Variants in MAML3 observed in about 807,000 individuals in gnomAD.
MAML3 encodes the protein mastermind-like protein 3.
Under a neutral mutation model 101.9 loss-of-function variants are expected in MAML3, and 27 were observed. The ratio of observed to expected loss-of-function variants is 0.27; its 90% CI spans 0.20 to 0.37. The LOEUF is 0.37. MAML3 is among the 10% of genes least tolerant of loss of function. The probability of loss-of-function intolerance (pLI) is 1.00; values close to 1 mark genes in which losing one functional copy is unlikely to be tolerated. For missense variants in MAML3, 1,316 were observed against 1,444.9 expected, an observed-to-expected ratio of 0.91 and a Z score of 1.45; for synonymous variants, 501 against 555.9, an observed-to-expected ratio of 0.90 and a Z score of 1.39.
chr4:139,920,145 A>AT (rs375687260), intron 1 of MAML3, among the ~76,000 whole-genome samples: 3 of 152,006 alleles, frequency 2.0e-5, no homozygotes, highest in African/African-American at 4.8e-5. Context: ...GACTCTAGTT[A>AT]TTTTTTTTCC....
At chr4:139,793,025 C>T (rs928006989) in intron 2 of MAML3, among the ~76,000 whole-genome samples, 8 of 152,120 alleles carry the variant, frequency 5.3e-5, no homozygotes, top group African/African-American at 4.8e-5. Flanking sequence ...GGATTACAGG[C>T]GTGAGACACC....
intron 1 of MAML3, among the ~76,000 whole-genome samples, chr4:140,107,611 TCTC>T (rs1477417979): frequency 6.6e-6 from 1 of 151,722 alleles, no homozygotes; most frequent in Non-Finnish European, 1.5e-5. Context: ...TTCAAGCGAT[TCTC>T]CTGCCTCACC....
At position 139,735,470 on chromosome 4, in the gene MAML3, G is replaced by C. The variant is rs565868157; in HGVS notation, c.2080-4803C>G. The stretch of plus-strand genomic sequence containing the variant: ...GGGTAGGGGGGCAGTGGCGACCTCC[G>C]GGGGGGGAGGGTGGCGGACACCAGA... On this transcript the variant is annotated intron_variant, in intron 2 of 4. Transcript: ENST00000509479. The surrounding 1 kb of genome is among the most constrained non-coding windows in gnomAD (Gnocchi z 5.8). Among the ~76,000 whole-genome samples the C allele has an allele frequency of 2.0e-5, 3 of 151,146 alleles. No individual in the cohort carries two copies. Among genetic ancestry groups the C allele is most frequent in the Non-Finnish European group, 4.4e-5 (3 of 67,614 alleles).
At chr4:139,947,756 C>T (rs1328227373) in intron 1 of MAML3, among the ~76,000 whole-genome samples, 1 of 152,060 alleles carries the variant, frequency 6.6e-6, no homozygotes, top group Non-Finnish European at 1.5e-5. Flanking sequence ...AAAATCAAAA[C>T]AAAACAAAAC....
chr4:139,890,297 G>C lies in MAML3; in HGVS notation c.1139C>G (p.Ser380Cys), dbSNP rs200202141. Residue 380 changes from serine to cysteine, a missense_variant, in exon 2 of 5, where the codon TCT becomes TGT. Ser to Cys is a moderately radical substitution (Grantham distance 112). Coordinates refer to ENST00000509479, the MANE Select transcript of MAML3 (RefSeq NM_018717.5). The surrounding 1 kb of genome is among the most constrained non-coding windows in gnomAD (Gnocchi z 4.1). ...SMGSPQARPS[S>C]SGPPFSTVST... ...GACAGTAGAAAAGGGAGGACCAGAAGAAGAAGGCCTCGCCTGGGGAGATCC... is the reference window on the plus strand; with the variant it reads ...GACAGTAGAAAAGGGAGGACCAGAACAAGAAGGCCTCGCCTGGGGAGATCC... 2 of 1,613,834 alleles carry C rather than the reference G, an allele frequency of 1.2e-6. No individual in the cohort carries two copies. Among genetic ancestry groups the C allele is most frequent in the South Asian group, 2.2e-5 (2 of 91,064 alleles).
chr4:139,906,524 G>A (rs1413412602), intron 1 of MAML3, among the ~76,000 whole-genome samples: 3 of 152,204 alleles, frequency 2.0e-5, no homozygotes, highest in South Asian at 2.1e-4. Context: ...AGAGACCAGG[G>A]CCATAATGTA....
intron 1 of MAML3, among the ~76,000 whole-genome samples, chr4:140,121,983 C>T (rs1256377967): frequency 6.6e-6 from 1 of 152,172 alleles, no homozygotes; most frequent in Non-Finnish European, 1.5e-5. Context: ...TCACTCTGCA[C>T]TTCTCCTTGC....
chr4:140,083,825 C>T (rs181236536), intron 1 of MAML3, among the ~76,000 whole-genome samples: 6 of 152,162 alleles, frequency 3.9e-5, no homozygotes, highest in African/African-American at 1.4e-4. Flanking sequence ...ATTTGGCCCA[C>T]TCCACTCCTC....
chr4:140,010,911 T>C (rs1726540641), intron 1 of MAML3, among the ~76,000 whole-genome samples: 1 of 151,832 alleles, frequency 6.6e-6, no homozygotes, highest in South Asian at 2.1e-4. Context: ...AAGACCAGCC[T>C]GGCCAACATG....
chr4:139,999,766 C>T (rs764054173), intron 1 of MAML3, among the ~76,000 whole-genome samples: 18 of 152,204 alleles, frequency 1.2e-4, no homozygotes, highest in African/African-American at 1.7e-4. Context: ...AGAACCAACT[C>T]GAAACTGTGG....
chr4:139,858,949 T>C (rs983787765), intron 2 of MAML3, among the ~76,000 whole-genome samples: 1 of 152,144 alleles, frequency 6.6e-6, no homozygotes, highest in Admixed American at 6.6e-5. Context: ...ATCTGTCTAC[T>C]ATGAACAAGA....
At chr4:139,754,188 A>T (rs1489571497) in intron 2 of MAML3, among the ~76,000 whole-genome samples, 1 of 152,248 alleles carries the variant, frequency 6.6e-6, no homozygotes, top group Non-Finnish European at 1.5e-5. Flanking sequence ...TGCAAAACAA[A>T]GGTGTATTAG....
intron 2 of MAML3, among the ~76,000 whole-genome samples, chr4:139,828,533 A>T (rs1243923103): frequency 2.0e-5 from 3 of 152,198 alleles, no homozygotes; most frequent in African/African-American, 7.2e-5. Flanking sequence ...GTGGAACTCC[A>T]CGGAATAAAC....
At chr4:140,096,043 T>C (rs1728156225) in intron 1 of MAML3, among the ~76,000 whole-genome samples, 1 of 152,234 alleles carries the variant, frequency 6.6e-6, no homozygotes, top group East Asian at 1.9e-4. Flanking sequence ...ATTGCATTTG[T>C]ACTTTCAGAT....
chr4:140,001,051 G>T (rs1015335253), intron 1 of MAML3, among the ~76,000 whole-genome samples: 1 of 152,034 alleles, frequency 6.6e-6, no homozygotes, highest in Non-Finnish European at 1.5e-5. Flanking sequence ...AAAAAGAAAA[G>T]AAAAGATTTG....
At position 139,719,466 on chromosome 4, in the gene MAML3, C is replaced by T. The variant is rs548759728; in HGVS notation, c.3274G>A (p.Val1092Met). The T allele has an allele frequency of 4.6e-5, 74 of 1,614,018 alleles. No individual in the cohort carries two copies. In the South Asian group the frequency reaches 5.2e-4, roughly 11 times the overall value. Residue 1092 changes from valine to methionine, a missense_variant, in exon 5 of 5, where the codon GTG becomes ATG. Transcript: ENST00000509479. The stretch of plus-strand genomic sequence containing the variant: ...CCGTCGCCACTGTAATTGTATGACA[C>T]GTCCTGAGGGGCATTCCGCTCATAG... ...QAYERNAPQD[V>M]SYNYSGDGAG...
At chr4:139,730,359 G>T in intron 3 of MAML3, 57 bp downstream of exon 3, 1 of 1,461,944 alleles carries the variant, frequency 6.8e-7, no homozygotes, top group Non-Finnish European at 9.3e-7. Flanking sequence ...GCAGCAGGCA[G>T]GTGCTGAATA....
intron 2 of MAML3, among the ~76,000 whole-genome samples, chr4:139,864,359 T>C (rs967973798): frequency 5.3e-5 from 8 of 152,124 alleles, no homozygotes; most frequent in African/African-American, 1.9e-4. Flanking sequence ...TATGACTTAC[T>C]TGTTGGCTTC....
At chr4:139,895,019 C>T (rs1411971629) in intron 1 of MAML3, among the ~76,000 whole-genome samples, 2 of 152,294 alleles carry the variant, frequency 1.3e-5, no homozygotes, top group Middle Eastern at 3.4e-3. Context: ...TGTTCCAGGT[C>T]ATGCAATGAA....
Sources: gnomAD v4.1 joint callset for allele counts (sites outside exome capture counted in the v4.1 genomes callset) on GRCh38, gnomAD v4.1.1 for gene constraint, Gnocchi (gnomAD v3.1) non-coding constraint, MANE v1.5 for transcripts, NCBI Gene and HGNC (gene_info 2026-07-23, HGNC 2026-07-21) for gene names.